Variants in PRH1 observed in about 807,000 individuals in gnomAD.
PRH1 encodes the protein proline rich protein HaeIII subfamily 1, also known as salivary acidic proline-rich phosphoprotein 1/2.
Under a neutral mutation model 7.9 loss-of-function variants are expected in PRH1, and 7 were observed. The ratio of observed to expected loss-of-function variants is 0.89; its 90% CI spans 0.50 to 1.67. The LOEUF (loss-of-function observed/expected upper bound fraction) is 1.67. PRH1 is among the 40% of genes most tolerant of loss of function. PRH1 has a pLI of 0.00. For synonymous variants in PRH1, 45 were observed against 80.8 expected, an observed-to-expected ratio of 0.56 and a Z score of 2.38; for missense variants, 109 against 223.6, an observed-to-expected ratio of 0.49 and a Z score of 3.27.
chr12:10,989,452 T>C (rs1409190165), intron 1 of PRH1, among the ~76,000 whole-genome samples: 1 of 152,202 alleles, frequency 6.6e-6, no homozygotes, highest in Non-Finnish European at 1.5e-5. Flanking sequence ...TTTGGATATA[T>C]ACATAGAAAG....
At chr12:10,904,457 G>A (rs1159446975) in intron 2 of PRH1, among the ~76,000 whole-genome samples, 1 of 152,096 alleles carries the variant, frequency 6.6e-6, no homozygotes, top group Non-Finnish European at 1.5e-5. Flanking sequence ...AATGGTGCTG[G>A]GATATCTGGC....
chr12:10,993,102 C>T lies in PRH1; in HGVS notation c.-125-19381G>A, dbSNP rs563764721. ...CCAGATGGATTATCAGATGAATGCA[C>T]ATTAGCATAAACTTAAATCACACTT... On this transcript the variant is annotated intron_variant, in intron 1 of 3. Transcript: ENST00000539853. Among the ~76,000 whole-genome samples, 12 of 152,334 alleles carry T rather than the reference C, an allele frequency of 7.9e-5. No homozygotes were observed. The South Asian group carries it at 2.1e-3, about 26-fold the overall frequency.
intron 1 of PRH1, among the ~76,000 whole-genome samples, chr12:10,982,857 T>C (rs1227097980): frequency 6.6e-6 from 1 of 152,214 alleles, no homozygotes; most frequent in Non-Finnish European, 1.5e-5. Flanking sequence ...GTAAATGGCA[T>C]GTTGCCCTAT....
intron 1 of PRH1, among the ~76,000 whole-genome samples, chr12:11,169,791 A>G (rs1268772069): frequency 1.3e-5 from 2 of 152,220 alleles, no homozygotes; most frequent in African/African-American, 4.8e-5. Context: ...CCAGTATTTT[A>G]GAAGTTGTCA....
At chr12:11,133,874 C>T (rs755235118) in intron 1 of PRH1, 2 of 1,614,014 alleles carry the variant, frequency 1.2e-6, no homozygotes, top group Admixed American at 1.7e-5. Context: ...ACTCTTAACT[C>T]TCCTCTTTAT....
chr12:11,030,577 C>T lies in PRH1; in HGVS notation c.-126+16443G>A, dbSNP rs768817416. On this transcript the variant is annotated intron_variant, in intron 1 of 3. Coordinates refer to the PRH1 transcript ENST00000539853. Reference sequence around the variant, plus strand: ...TGAAGACAGGTTTGTTTTCCAGACTCCCAAAACTCCAAACTGATATCATTA... The same window carrying T: ...TGAAGACAGGTTTGTTTTCCAGACTTCCAAAACTCCAAACTGATATCATTA... 31 of 1,614,118 alleles carry T rather than the reference C, an allele frequency of 1.9e-5. No homozygotes were observed. In the East Asian group the frequency reaches 3.6e-4, roughly 19 times the overall value.
chr12:11,076,092 A>G (rs1343034489), intron 1 of PRH1, among the ~76,000 whole-genome samples: 1 of 113,902 alleles, frequency 8.8e-6, no homozygotes, highest in African/African-American at 2.9e-5. Context: ...ATATATATAT[A>G]TATCAGATGA....
At chr12:10,933,881 T>C (rs1238394970) in intron 2 of PRH1, among the ~76,000 whole-genome samples, 2 of 152,084 alleles carry the variant, frequency 1.3e-5, no homozygotes, top group East Asian at 1.9e-4. Context: ...CAGAGATACA[T>C]ATATTCAAAT....
intron 1 of PRH1, among the ~76,000 whole-genome samples, chr12:11,156,376 G>A (rs1324167128): frequency 4.6e-5 from 7 of 151,938 alleles, no homozygotes; most frequent in Admixed American, 2.0e-4. Flanking sequence ...TTGGTTTCTC[G>A]AATGTATGGA....
chr12:11,027,981 G>A (rs1942003004), intron 1 of PRH1, among the ~76,000 whole-genome samples: 1 of 152,218 alleles, frequency 6.6e-6, no homozygotes, highest in Non-Finnish European at 1.5e-5. Flanking sequence ...AGCCAGCCAT[G>A]ACTGGAGGGT....
intron 1 of PRH1, among the ~76,000 whole-genome samples, chr12:11,000,235 T>G (rs1170544008): frequency 6.6e-6 from 1 of 152,144 alleles, no homozygotes; most frequent in Non-Finnish European, 1.5e-5. Flanking sequence ...TATTATTTTA[T>G]TCAGTCAACA....
intron 1 of PRH1, chr12:11,076,672 T>A (rs1200249414): frequency 1.7e-5 from 2 of 116,668 alleles, no homozygotes; most frequent in African/African-American, 5.7e-5. Context: ...ATTCCTATTA[T>A]AGAAATGATT....
At position 10,882,484 on chromosome 12, in the gene PRH1, T is replaced by G; in HGVS notation, c.315A>C (p.Pro105=). ...PQQGGQQQQG[P]PPPQGKPQGP... ...CTTGTGGCTTTCCCTGAGGAGGTGGTGGACCTTGTTGCTGCTGGCCTCCTT... is the reference window on the plus strand; with the variant it reads ...CTTGTGGCTTTCCCTGAGGAGGTGGGGGACCTTGTTGCTGCTGGCCTCCTT... The change falls in exon 3 of 4, where the codon CCA becomes CCC. Residue 105 remains proline, a synonymous_variant. Coordinates refer to ENST00000543626, the MANE Select transcript of PRH1 (RefSeq NM_001393989.1). 15 of 1,527,280 alleles carry G rather than the reference T, an allele frequency of 9.8e-6. 1 individual carries two copies. Among genetic ancestry groups the G allele is most frequent in the Non-Finnish European group, 1.1e-5 (13 of 1,134,562 alleles). 94.6% of individuals were successfully genotyped at this position (1,527,280 alleles called of 1,614,324 possible). A position where few individuals can be genotyped will look rare whatever the true frequency, so the allele number is the denominator to read the frequency against.
chr12:10,976,850 C>A (rs1334196129), intron 1 of PRH1, among the ~76,000 whole-genome samples: 1 of 151,952 alleles, frequency 6.6e-6, no homozygotes, highest in Non-Finnish European at 1.5e-5. Flanking sequence ...TATACAACCT[C>A]CAAGACTGAA....
intron 2 of PRH1, among the ~76,000 whole-genome samples, chr12:10,920,855 A>G (rs1000702957): frequency 3.3e-5 from 5 of 152,068 alleles, no homozygotes; most frequent in Admixed American, 3.3e-4. Flanking sequence ...ATGCTTCTGT[A>G]TTTGTTTAGT....
chr12:11,109,841 A>G (rs570961322), intron 1 of PRH1, among the ~76,000 whole-genome samples: 4 of 152,304 alleles, frequency 2.6e-5, no homozygotes, highest in Admixed American at 2.6e-4. Flanking sequence ...TGACACAAGT[A>G]GGCTTCAGAA....
intron 1 of PRH1, among the ~76,000 whole-genome samples, chr12:10,999,660 C>T (rs947711858): frequency 6.6e-6 from 1 of 152,092 alleles, no homozygotes; most frequent in African/African-American, 2.4e-5. Flanking sequence ...GGCCACTTTC[C>T]AAGCCCCTAA....
At chr12:11,131,848 T>C (rs1208860226) in intron 1 of PRH1, among the ~76,000 whole-genome samples, 1 of 152,252 alleles carries the variant, frequency 6.6e-6, no homozygotes, top group South Asian at 2.1e-4. Flanking sequence ...TTCCCTTTCA[T>C]TGGTTTACCA....
chr12:10,929,799 A>T (rs1485386508), intron 2 of PRH1, among the ~76,000 whole-genome samples: 1 of 152,182 alleles, frequency 6.6e-6, no homozygotes, highest in Non-Finnish European at 1.5e-5. Flanking sequence ...AGAGTTAGAG[A>T]ATCACCAGAG....
Sources: gnomAD v4.1 joint callset for allele counts (sites outside exome capture counted in the v4.1 genomes callset) on GRCh38, gnomAD v4.1.1 for gene constraint, MANE v1.5 for transcripts, NCBI Gene and HGNC (gene_info 2026-07-23, HGNC 2026-07-21) for gene names.